Variants in SPOCK1 observed in about 807,000 individuals in gnomAD.
The protein encoded by SPOCK1 is SPARC (osteonectin), cwcv and kazal like domains proteoglycan 1, also known as testican-1.
Under a neutral mutation model 55.3 loss-of-function variants are expected in SPOCK1, and 23 were observed. That is an observed-to-expected ratio of 0.42 (90% CI 0.30 to 0.59). SPOCK1 has a LOEUF of 0.59. SPOCK1 is among the 20% of genes least tolerant of loss of function. The pLI, the probability that SPOCK1 is intolerant of heterozygous loss-of-function variation, is 0.22. For missense variants in SPOCK1, 499 were observed against 552.5 expected, an observed-to-expected ratio of 0.90 and a Z score of 0.97; for synonymous variants, 226 against 221.0, an observed-to-expected ratio of 1.02 and a Z score of -0.20.
At chr5:137,059,002 G>A (rs1580729374) in intron 6 of SPOCK1, among the ~76,000 whole-genome samples, 1 of 152,338 alleles carries the variant, frequency 6.6e-6, no homozygotes. Flanking sequence ...TAACAAGATG[G>A]AGTGTCTTGA....
chr5:137,118,349 A>G (rs1753627097), intron 4 of SPOCK1, among the ~76,000 whole-genome samples: 1 of 152,240 alleles, frequency 6.6e-6, no homozygotes, highest in Non-Finnish European at 1.5e-5. Flanking sequence ...CCCAGGTCAT[A>G]ACCCCTCTCT....
intron 3 of SPOCK1, among the ~76,000 whole-genome samples, chr5:137,207,216 A>G (rs1755534436): frequency 2.0e-5 from 3 of 152,182 alleles, no homozygotes; most frequent in African/African-American, 7.2e-5. Context: ...ACCAGCCGGC[A>G]CTGCTATCAC....
chr5:137,464,684 G>A (rs1338473340), intron 2 of SPOCK1, among the ~76,000 whole-genome samples: 1 of 152,118 alleles, frequency 6.6e-6, no homozygotes, highest in Non-Finnish European at 1.5e-5. Flanking sequence ...AGAGGAAAAG[G>A]AGCAGGTCTA....
At chr5:137,078,942 A>T (rs2127012421) in intron 5 of SPOCK1, among the ~76,000 whole-genome samples, 1 of 152,312 alleles carries the variant, frequency 6.6e-6, no homozygotes, top group African/African-American at 2.4e-5. Context: ...AAAGGTCCCC[A>T]GAGATCTGTA....
At chr5:137,011,081 T>C (rs1368487910) in intron 6 of SPOCK1, among the ~76,000 whole-genome samples, 1 of 152,196 alleles carries the variant, frequency 6.6e-6, no homozygotes, top group East Asian at 1.9e-4. Context: ...AGCTTCATTT[T>C]CTTTAAGCAT....
Position 137,255,013 on chromosome 5 carries a change from T to A in SPOCK1, c.232+11997A>T, listed in dbSNP as rs569454175. Among the ~76,000 whole-genome samples, 13 of 152,362 alleles carry A rather than the reference T, an allele frequency of 8.5e-5. No homozygotes were observed. In the South Asian group the frequency reaches 2.3e-3, roughly 27 times the overall value. On this transcript the variant is annotated intron_variant, in intron 3 of 10. Coordinates refer to ENST00000394945, the MANE Select transcript of SPOCK1 (RefSeq NM_004598.4). The stretch of plus-strand genomic sequence containing the variant: ...TGATGGAGATGCAGGCCAACCATTC[T>A]TCCTGATATTGTCAATTTCGTCCAT...
chr5:137,009,481 G>C (rs767291640), intron 6 of SPOCK1, among the ~76,000 whole-genome samples: 8 of 152,142 alleles, frequency 5.3e-5, no homozygotes, highest in Non-Finnish European at 1.2e-4. Context: ...GAGATAATCT[G>C]TATTTGCATT....
chr5:137,035,556 T>C (rs989913653), intron 6 of SPOCK1, among the ~76,000 whole-genome samples: 3 of 152,190 alleles, frequency 2.0e-5, no homozygotes, highest in African/African-American at 7.2e-5. Flanking sequence ...TGCTGGCTGC[T>C]GCCCTTCAAG....
chr5:137,137,315 A>G (rs953426221), intron 4 of SPOCK1, among the ~76,000 whole-genome samples: 4 of 152,288 alleles, frequency 2.6e-5, no homozygotes, highest in Admixed American at 2.6e-4. Context: ...TACTTCCCTG[A>G]TTGATGAATA....
At chr5:137,182,529 G>T (rs1754989872) in intron 3 of SPOCK1, among the ~76,000 whole-genome samples, 1 of 152,114 alleles carries the variant, frequency 6.6e-6, no homozygotes, top group African/African-American at 2.4e-5. Flanking sequence ...AGCTTAACTG[G>T]CTGGAGTTCA....
At chr5:137,375,987 A>C (rs546966642) in intron 2 of SPOCK1, among the ~76,000 whole-genome samples, 12 of 152,320 alleles carry the variant, frequency 7.9e-5, no homozygotes, top group African/African-American at 2.9e-4. Flanking sequence ...CCTTTTAAGA[A>C]GGCACCATGA....
chr5:136,988,319 C>T, intron 8 of SPOCK1, 103 bp downstream of exon 8: 1 of 839,250 alleles, frequency 1.2e-6, no homozygotes, highest in South Asian at 2.0e-5. Flanking sequence ...ATTATTTATT[C>T]TCTGGCTGTG....
chr5:137,401,214 A>C (rs1022222516), intron 2 of SPOCK1, among the ~76,000 whole-genome samples: 6 of 152,226 alleles, frequency 3.9e-5, no homozygotes, highest in African/African-American at 1.4e-4. Context: ...ACTGGAGGAA[A>C]AGTAATAGTG....
intron 4 of SPOCK1, among the ~76,000 whole-genome samples, chr5:137,123,997 G>A (rs567631256): frequency 3.8e-4 from 58 of 152,132 alleles, no homozygotes; most frequent in African/African-American, 1.3e-3. Flanking sequence ...CCTCTGCTCT[G>A]CCTATTTCTA....
intron 2 of SPOCK1, among the ~76,000 whole-genome samples, chr5:137,353,616 A>C (rs925890295): frequency 1.3e-5 from 2 of 152,118 alleles, no homozygotes; most frequent in African/African-American, 4.8e-5. Flanking sequence ...GAGACTAATT[A>C]CTCAGTCCAT....
rs201715727 is a variant in SPOCK1 at position 136,992,594 on chromosome 5, G to A, written c.596C>T (p.Thr199Ile). ...GGCAAGGTTCCGCAACTCCTTGTCT[G>A]TGCAGGCTAGAGAAAAGCAAACAGA... ...PKHKAERSAC[T>I]DKELRNLASR... is the part of the protein sequence containing the mutation. The change falls in exon 7 of 11, where the codon ACA (threonine) becomes ATA (isoleucine). Residue 199 changes from threonine to isoleucine, a missense_variant. Transcript: ENST00000394945. 1.7e-4 allele frequency: 270 copies of A among 1,612,784 alleles called. No homozygotes were observed. The highest frequency in any genetic ancestry group is 1.3e-5 in the African/African-American group (1 of 74,966).
intron 2 of SPOCK1, among the ~76,000 whole-genome samples, chr5:137,349,122 A>C (rs1750624290): frequency 6.6e-6 from 1 of 152,238 alleles, no homozygotes; most frequent in Non-Finnish European, 1.5e-5. Context: ...CAAGCTGCTG[A>C]GTCCTTATTT....
intron 2 of SPOCK1, among the ~76,000 whole-genome samples, chr5:137,466,163 ATCACAGTGGATGCTGC>A (rs1466656357): frequency 2.0e-5 from 3 of 152,234 alleles, no homozygotes; most frequent in Non-Finnish European, 4.4e-5. Context: ...ACAAGCTGTA[ATCACAGTGGATGCTGC>A]TCATTTTATT....
intron 2 of SPOCK1, among the ~76,000 whole-genome samples, chr5:137,325,753 C>T (rs1363771267): frequency 6.6e-6 from 1 of 152,118 alleles, no homozygotes; most frequent in Admixed American, 6.5e-5. Flanking sequence ...TTAAGAGCTA[C>T]GGAGAAAACA....
Sources: gnomAD v4.1 joint callset for allele counts (sites outside exome capture counted in the v4.1 genomes callset) on GRCh38, gnomAD v4.1.1 for gene constraint, MANE v1.5 for transcripts, NCBI Gene and HGNC (gene_info 2026-07-23, HGNC 2026-07-21) for gene names.